DOCK10: variants seen among roughly 807,000 people sequenced by gnomAD.
DOCK10 encodes the protein dedicator of cytokinesis 10.
DOCK10 carries 145 observed loss-of-function variants against 280.1 expected under a neutral mutation model. The ratio of observed to expected loss-of-function variants is 0.52; its 90% CI spans 0.45 to 0.59. The LOEUF (loss-of-function observed/expected upper bound fraction) is 0.59. Among genes scored for constraint, DOCK10 ranks in the 20% least tolerant of loss-of-function variants. The pLI is 0.00. For missense variants in DOCK10, 2,368 were observed against 2,651.7 expected, an observed-to-expected ratio of 0.89 and a Z score of 2.35; for synonymous variants, 915 against 942.2, an observed-to-expected ratio of 0.97 and a Z score of 0.53.
intron 1 of DOCK10, among the ~76,000 whole-genome samples, chr2:225,013,686 T>G (rs887191223): frequency 1.3e-5 from 2 of 152,198 alleles, no homozygotes; most frequent in African/African-American, 2.4e-5. Context: ...CACTTGACTT[T>G]ACTTAAGAAC....
chr2:225,024,939 A>T (rs1230729608), intron 1 of DOCK10, among the ~76,000 whole-genome samples: 2 of 152,184 alleles, frequency 1.3e-5, no homozygotes, highest in African/African-American at 4.8e-5. Flanking sequence ...ATTTTGATTC[A>T]TGGTTACCAC....
At chr2:224,856,709 G>A (rs1697169524) in intron 15 of DOCK10, 151 bp downstream of exon 15, 1 of 595,468 alleles carries the variant, frequency 1.7e-6, no homozygotes, top group Non-Finnish European at 2.7e-6. Flanking sequence ...TTACTTTTGT[G>A]GTGCTATTTG....
chr2:224,839,211 TGG>T (rs1452339948), intron 24 of DOCK10, among the ~76,000 whole-genome samples: 39 of 151,848 alleles, frequency 2.6e-4, no homozygotes, highest in African/African-American at 8.0e-4. Context: ...CCCGAGTAGC[TGG>T]GACTACAGGC....
chr2:224,815,806 T>C (rs1694093866), intron 30 of DOCK10, among the ~76,000 whole-genome samples: 2 of 152,116 alleles, frequency 1.3e-5, no homozygotes, highest in African/African-American at 2.4e-5. Flanking sequence ...GAGGCCGACG[T>C]AGGCGGATCA....
chr2:224,902,768 T>G (rs1219210411), intron 3 of DOCK10, among the ~76,000 whole-genome samples: 1 of 152,064 alleles, frequency 6.6e-6, no homozygotes, highest in Non-Finnish European at 1.5e-5. Flanking sequence ...ATAATTAGTT[T>G]CTGCAGTATA....
chr2:224,797,806 C>T, intron 42 of DOCK10, 26 bp downstream of exon 42: 1 of 1,606,784 alleles, frequency 6.2e-7, no homozygotes. Context: ...CCTACCTAAA[C>T]TTCATTGAAA....
chr2:224,812,193 A>G (rs960422672), intron 31 of DOCK10, among the ~76,000 whole-genome samples: 19 of 152,094 alleles, frequency 1.2e-4, no homozygotes, highest in African/African-American at 4.3e-4. Context: ...CCTTGAAGAT[A>G]TCCTTCACAT....
chr2:224,981,261 G>C (rs1705735258), intron 1 of DOCK10, among the ~76,000 whole-genome samples: 1 of 152,146 alleles, frequency 6.6e-6, no homozygotes, highest in African/African-American at 2.4e-5. Context: ...ATTTGTTGAA[G>C]AAGTAGGCAA....
At chr2:224,988,215 T>C (rs1314014753) in intron 1 of DOCK10, among the ~76,000 whole-genome samples, 1 of 152,166 alleles carries the variant, frequency 6.6e-6, no homozygotes, top group Non-Finnish European at 1.5e-5. Flanking sequence ...TCAGTCCTTA[T>C]CACGGTACCC....
At chr2:225,003,696 C>A (rs932843599) in intron 1 of DOCK10, among the ~76,000 whole-genome samples, 22 of 152,288 alleles carry the variant, frequency 1.4e-4, no homozygotes, top group African/African-American at 4.6e-4. Flanking sequence ...GTTGATGTTT[C>A]ATTAGCATCC....
chr2:224,770,425 G>A lies in DOCK10; in HGVS notation c.6306-76C>T. On this transcript the variant is annotated intron_variant, in intron 54 of 55. Transcript: ENST00000258390. This position sits in a 1 kb window ranked among gnomAD's most constrained non-coding sequence, Gnocchi z 4.5. ...TGAGCTCAGTGACTGTGAGTTCAGAGTCAGGCTGCTGATGGACTCTGCCAC... is the reference window on the plus strand; with the variant it reads ...TGAGCTCAGTGACTGTGAGTTCAGAATCAGGCTGCTGATGGACTCTGCCAC... 1 of 1,562,296 alleles carries A rather than the reference G, an allele frequency of 6.4e-7. No homozygotes were observed. Among genetic ancestry groups the A allele is most frequent in the East Asian group, 2.3e-5 (1 of 43,798 alleles).
intron 50 of DOCK10, among the ~76,000 whole-genome samples, chr2:224,783,702 C>G (rs1015965292): frequency 2.0e-5 from 3 of 151,050 alleles, no homozygotes; most frequent in African/African-American, 7.3e-5. Context: ...GGGCTCCCCC[C>G]AATACTTCCC....
intron 51 of DOCK10, among the ~76,000 whole-genome samples, chr2:224,777,718 T>C (rs963859143): frequency 2.0e-5 from 3 of 152,240 alleles, no homozygotes; most frequent in African/African-American, 7.2e-5. Flanking sequence ...TCAATACTCC[T>C]TAATAAACTC....
chr2:224,962,610 T>C (rs1223124265), intron 1 of DOCK10, among the ~76,000 whole-genome samples: 2 of 152,214 alleles, frequency 1.3e-5, no homozygotes, highest in Admixed American at 6.5e-5. Context: ...CTTGTACTGT[T>C]TTACAGTCAA....
Position 224,801,951 on chromosome 2 carries a change from G to A in DOCK10, c.4358C>T (p.Pro1453Leu), listed in dbSNP as rs1342096753. 6.2e-7 allele frequency: 1 copy of A among 1,612,982 alleles called. No homozygotes were observed. The highest frequency in any genetic ancestry group is 1.3e-5 in the African/African-American group (1 of 74,940). The change falls in exon 40 of 56, where the codon CCC becomes CTC. Residue 1453 changes from proline to leucine, a missense_variant. Physicochemically the swap from Pro to Leu is moderately conservative, Grantham distance 98. Around this residue, in one of 2 missense-constraint regions of DOCK10, gnomAD observed 1,159 missense variants for 1,400.8 expected, o/e 0.83. Transcript: ENST00000258390. ...ATTGTCTAACATCTGTAAGAGTTTG[G>A]GGTTAGAAAGTGCATTTTTGCCTCG... ...IIRGKNALSN[P>L]KLLQMLDNTM... is the part of the protein sequence containing the mutation.
chr2:224,920,655 C>A (rs1701651105), intron 2 of DOCK10, among the ~76,000 whole-genome samples: 1 of 101,626 alleles, frequency 9.8e-6, no homozygotes, highest in African/African-American at 3.0e-5. Flanking sequence ...AGACATTTTT[C>A]TTTCTAATTA....
intron 51 of DOCK10, among the ~76,000 whole-genome samples, chr2:224,776,699 T>A (rs1690889535): frequency 6.6e-6 from 1 of 152,118 alleles, no homozygotes; most frequent in South Asian, 2.1e-4. Context: ...AACCACCTTT[T>A]CCAGCTGCAT....
Position 224,864,876 on chromosome 2 carries a change from A to G in DOCK10, c.1469T>C (p.Phe490Ser). Residue 490 changes from phenylalanine to serine, a missense_variant, in exon 12 of 56, where the codon TTT becomes TCT. Physicochemically the swap from Phe to Ser is radical, Grantham distance 155. This residue lies in a region of DOCK10 where 1,209 missense variants were observed against 1,250.9 expected (regional missense o/e 0.97). Transcript: ENST00000258390. Reference sequence around the variant, plus strand: ...TAAACAAAGTGCCACCTGCTTTGGAAATTTTAGCCATTCCTCTGGAAGTCC... The same window carrying G: ...TAAACAAAGTGCCACCTGCTTTGGAGATTTTAGCCATTCCTCTGGAAGTCC... ...IKGLPEEWLK[F>S]PKQAVFSVSN... is the part of the protein sequence containing the mutation. 6.2e-7 allele frequency: 1 copy of G among 1,613,958 alleles called. No homozygotes were observed. The highest frequency in any genetic ancestry group is 1.1e-5 in the South Asian group (1 of 91,078).
Position 224,954,400 on chromosome 2 carries a change from G to A in DOCK10, c.124-22732C>T, listed in dbSNP as rs76896137. ...TAGAAAATAAAATACATTGATTTTAGGGTTTATTATTTTCTGAATTTCCTG... is the reference window on the plus strand; with the variant it reads ...TAGAAAATAAAATACATTGATTTTAAGGTTTATTATTTTCTGAATTTCCTG... On this transcript the variant is annotated intron_variant, in intron 1 of 55. Transcript: ENST00000258390. 6.1e-3 allele frequency among the ~76,000 whole-genome samples: 925 copies of A among 152,162 alleles called. 11 individuals carry two copies. Among genetic ancestry groups the A allele is most frequent in the African/African-American group, 0.02 (817 of 41,520 alleles).
Sources: allele counts gnomAD v4.1 joint callset (sites outside exome capture counted in the v4.1 genomes callset), GRCh38; gene constraint gnomAD v4.1.1; regional missense constraint gnomAD v4.1.1; non-coding constraint Gnocchi (gnomAD v3.1); transcripts MANE v1.5; gene names NCBI Gene and HGNC (gene_info 2026-07-23, HGNC 2026-07-21).